The following GULP1 variants were observed in gnomAD, a reference collection of about 807,000 sequenced individuals.
The protein encoded by GULP1 is PTB domain-containing engulfment adapter protein 1.
GULP1 carries 19 observed loss-of-function variants against 40.9 expected under a neutral mutation model. That is an observed-to-expected ratio of 0.46 (90% CI 0.32 to 0.68). The LOEUF is 0.68. Ranked by LOEUF, GULP1 falls within the 30% of genes least tolerant of loss-of-function variation. GULP1 has a pLI of 0.03. For synonymous variants in GULP1, 119 were observed against 117.6 expected, an observed-to-expected ratio of 1.01 and a Z score of -0.08; for missense variants, 312 against 362.2, an observed-to-expected ratio of 0.86 and a Z score of 1.12.
At chr2:188,588,519 ATTGGTTTTAAATGCT>A (rs1368166557) in intron 11 of GULP1, 1 of 154,808 alleles carries the variant, frequency 6.5e-6, no homozygotes, top group Non-Finnish European at 1.4e-5. Context: ...GTTTACAGAA[ATTGGTTTTAAATGCT>A]TTGCACTATG....
chr2:188,296,483 T>A (rs1265187768), intron 1 of GULP1, among the ~76,000 whole-genome samples: 1 of 152,092 alleles, frequency 6.6e-6, no homozygotes, highest in Non-Finnish European at 1.5e-5. Context: ...TCAAATATTG[T>A]GTGGGATAGT....
chr2:188,518,936 C>T (rs187472604), intron 4 of GULP1, among the ~76,000 whole-genome samples: 8 of 152,176 alleles, frequency 5.3e-5, no homozygotes, highest in Non-Finnish European at 5.9e-5. Context: ...TTCTAAATCT[C>T]GAGCTTGTTC....
At chr2:188,458,220 T>A (rs1394166921) in intron 2 of GULP1, among the ~76,000 whole-genome samples, 1 of 152,170 alleles carries the variant, frequency 6.6e-6, no homozygotes, top group Non-Finnish European at 1.5e-5. Flanking sequence ...TTTGACCATA[T>A]TCCCTCATAC....
At chr2:188,586,550 G>GTT in intron 10 of GULP1, among the ~76,000 whole-genome samples, 2 of 152,282 alleles carry the variant, frequency 1.3e-5, no homozygotes, top group East Asian at 3.9e-4. Context: ...ATATTCATCA[G>GTT]TTATATATAA....
chr2:188,530,610 G>T (rs1199155946), intron 6 of GULP1, among the ~76,000 whole-genome samples: 3 of 152,132 alleles, frequency 2.0e-5, no homozygotes, highest in African/African-American at 4.8e-5. Flanking sequence ...TACACTCAGA[G>T]TAAGGACCAC....
At chr2:188,302,885 T>C (rs951297957) in intron 1 of GULP1, among the ~76,000 whole-genome samples, 2 of 152,198 alleles carry the variant, frequency 1.3e-5, no homozygotes. Context: ...TGACTAGTAA[T>C]TTTTCTTCCA....
At chr2:188,574,726 A>G (rs1264572614) in intron 9 of GULP1, among the ~76,000 whole-genome samples, 1 of 152,176 alleles carries the variant, frequency 6.6e-6, no homozygotes, top group East Asian at 1.9e-4. Context: ...TTCTCTAACA[A>G]GAGGTCCAAA....
chr2:188,298,643 A>G (rs1027677941), intron 1 of GULP1, among the ~76,000 whole-genome samples: 1 of 152,212 alleles, frequency 6.6e-6, no homozygotes, highest in Non-Finnish European at 1.5e-5. Flanking sequence ...AATCAGTAAG[A>G]GGTCTCATAT....
chr2:188,504,951 G>GT (rs529457630), intron 4 of GULP1, among the ~76,000 whole-genome samples: 1,442 of 140,970 alleles, frequency 0.01, 10 homozygotes, highest in African/African-American at 0.014. Flanking sequence ...TTGCTTTGTT[G>GT]TTTTTTTTTT....
At chr2:188,510,229 A>AT (rs2153195321) in intron 4 of GULP1, among the ~76,000 whole-genome samples, 1 of 152,280 alleles carries the variant, frequency 6.6e-6, no homozygotes, top group East Asian at 1.9e-4. Context: ...AAGTTTAAAC[A>AT]TGAAGTAGAA....
At chr2:188,501,778 C>T (rs1575632562) in intron 4 of GULP1, among the ~76,000 whole-genome samples, 1 of 151,934 alleles carries the variant, frequency 6.6e-6, no homozygotes, top group Non-Finnish European at 1.5e-5. Context: ...GTGTCTCACC[C>T]CTTGGTATGC....
At chr2:188,299,600 A>G (rs751166687) in intron 1 of GULP1, among the ~76,000 whole-genome samples, 37 of 152,340 alleles carry the variant, frequency 2.4e-4, no homozygotes, top group Non-Finnish European at 4.4e-4. Context: ...TGAATTTAAT[A>G]AATACTTATC....
chr2:188,513,908 A>T (rs183770388), intron 4 of GULP1, among the ~76,000 whole-genome samples: 1 of 152,278 alleles, frequency 6.6e-6, no homozygotes, highest in African/African-American at 2.4e-5. Context: ...GTTCCCAGAC[A>T]GGGCTACTGT....
Position 188,569,261 on chromosome 2 carries a change from T to C in GULP1, c.422T>C (p.Ile141Thr). The C allele has an allele frequency of 6.3e-7, 1 of 1,577,256 alleles. No individual in the cohort carries two copies. Among genetic ancestry groups the C allele is most frequent in the Non-Finnish European group, 8.7e-7 (1 of 1,146,704 alleles). The change falls in exon 8 of 12, where the codon ATT becomes ACT. Residue 141 changes from isoleucine to threonine, a missense_variant. Coordinates refer to ENST00000409830, the MANE Select transcript of GULP1 (RefSeq NM_016315.4). ...CAGGCTGAAGAGATCACTTTAACAA[T>C]TGGCCAAGCATTTGACCTGGCATAC... ...EKCAEEITLT[I>T]GQAFDLAYRK...
chr2:188,571,547 T>C (rs1049604395), intron 9 of GULP1, among the ~76,000 whole-genome samples: 2 of 152,170 alleles, frequency 1.3e-5, no homozygotes, highest in African/African-American at 4.8e-5. Context: ...TGGAGCATCC[T>C]CTTCAGGTTC....
intron 7 of GULP1, among the ~76,000 whole-genome samples, chr2:188,546,755 A>T (rs1414956568): frequency 6.6e-6 from 1 of 152,036 alleles, no homozygotes; most frequent in African/African-American, 2.4e-5. Context: ...AAATCAATGA[A>T]GCAAAGACCT....
intron 4 of GULP1, among the ~76,000 whole-genome samples, chr2:188,521,021 C>T (rs540049953): frequency 1.3e-5 from 2 of 151,594 alleles, no homozygotes; most frequent in East Asian, 1.9e-4. Flanking sequence ...AAAAAGATTC[C>T]ACTTATGGAA....
chr2:188,318,605 A>G (rs2039492191), intron 1 of GULP1, among the ~76,000 whole-genome samples: 1 of 152,138 alleles, frequency 6.6e-6, no homozygotes. Context: ...AGACATGCCC[A>G]GCAGTGCACC....
At chr2:188,338,248 C>A (rs1298808271) in intron 1 of GULP1, among the ~76,000 whole-genome samples, 2 of 151,026 alleles carry the variant, frequency 1.3e-5, no homozygotes, top group Non-Finnish European at 1.5e-5. Context: ...TAACCACAAT[C>A]TTAAGAATAT....
Sources: allele counts gnomAD v4.1 joint callset (sites outside exome capture counted in the v4.1 genomes callset), GRCh38; gene constraint gnomAD v4.1.1; transcripts MANE v1.5; gene names NCBI Gene and HGNC (gene_info 2026-07-23, HGNC 2026-07-21).